Variants in ZBTB40 observed in about 807,000 individuals in gnomAD.
ZBTB40 encodes the protein zinc finger and BTB domain containing 40, also known as zinc finger and BTB domain-containing protein 40.
In ZBTB40, 60 loss-of-function variants were observed where a neutral mutation model predicts 117.5. The observed-to-expected ratio is 0.51, with a 90% CI of 0.41 to 0.63. The LOEUF (loss-of-function observed/expected upper bound fraction) is 0.63. Ranked by LOEUF, ZBTB40 falls within the 30% of genes least tolerant of loss-of-function variation. ZBTB40 has a pLI of 0.00. For missense variants in ZBTB40, 1,287 were observed against 1,498.5 expected, an observed-to-expected ratio of 0.86 and a Z score of 2.33; for synonymous variants, 525 against 577.1, an observed-to-expected ratio of 0.91 and a Z score of 1.29.
chr1:22,514,307 T>C (rs1403723917), intron 12 of ZBTB40, among the ~76,000 whole-genome samples: 3 of 152,228 alleles, frequency 2.0e-5, no homozygotes, highest in Admixed American at 6.5e-5. Flanking sequence ...TTTCTCTTGA[T>C]ACTTAAAAAA....
In ZBTB40 at chr1:22,489,887, C is replaced by A. The variant is rs1638573542; in HGVS notation, c.-62C>A. 1 of 1,543,794 alleles carries A rather than the reference C, an allele frequency of 6.5e-7. No homozygotes were observed. The highest frequency in any genetic ancestry group is 1.7e-5 in the Admixed American group (1 of 59,938). Reference sequence around the variant, plus strand: ...TTTTGTGGGTTTCTCTAGGGCCTGTCCTCCCAAAGCCAACTCTAAGGAGAG... The same window carrying A: ...TTTTGTGGGTTTCTCTAGGGCCTGTACTCCCAAAGCCAACTCTAAGGAGAG... On this transcript the variant is annotated 5_prime_UTR_variant, in exon 2 of 18. Transcript: ENST00000375647.
intron 1 of ZBTB40, among the ~76,000 whole-genome samples, chr1:22,444,327 G>A (rs1426618558): frequency 6.6e-6 from 1 of 152,148 alleles, no homozygotes; most frequent in Non-Finnish European, 1.5e-5. Flanking sequence ...GGCTGAGTCA[G>A]GAGAATCACT....
intron 1 of ZBTB40, among the ~76,000 whole-genome samples, chr1:22,487,294 T>C (rs115801411): frequency 0.028 from 4,287 of 152,320 alleles, 236 homozygotes; most frequent in African/African-American, 0.098. Flanking sequence ...GTAGAAATGG[T>C]GGAGTGGAAA....
chr1:22,467,097 T>C (rs1001237716), intron 1 of ZBTB40, among the ~76,000 whole-genome samples: 3 of 152,170 alleles, frequency 2.0e-5, no homozygotes, highest in African/African-American at 7.2e-5. Flanking sequence ...GCTGCGAATA[T>C]AGTGTACATA....
chr1:22,433,439 A>AAAAACAAAAAC (rs1557469766), intron 1 of ZBTB40, among the ~76,000 whole-genome samples: 18 of 83,722 alleles, frequency 2.1e-4, no homozygotes, highest in African/African-American at 9.9e-4. Flanking sequence ...TCTCAAAAAA[A>AAAAACAAAAAC]AAAAAAAAAA....
chr1:22,486,915 A>G (rs1340827355), intron 1 of ZBTB40, among the ~76,000 whole-genome samples: 2 of 151,994 alleles, frequency 1.3e-5, no homozygotes, highest in African/African-American at 2.4e-5. Context: ...GTGTAATTTT[A>G]GTAGAGACGA....
intron 12 of ZBTB40, among the ~76,000 whole-genome samples, chr1:22,514,328 C>G (rs1216698931): frequency 6.6e-6 from 1 of 152,196 alleles, no homozygotes; most frequent in African/African-American, 2.4e-5. Flanking sequence ...TAAATAAACC[C>G]TATCAGGTCA....
chr1:22,499,275 A>G (rs556762995), intron 3 of ZBTB40, among the ~76,000 whole-genome samples: 2 of 152,344 alleles, frequency 1.3e-5, no homozygotes, highest in East Asian at 3.9e-4. Flanking sequence ...TCACAGAGCA[A>G]GGGCAGAGAG....
chr1:22,469,444 TG>T (rs1317524573), intron 1 of ZBTB40, among the ~76,000 whole-genome samples: 4 of 152,218 alleles, frequency 2.6e-5, no homozygotes, highest in Non-Finnish European at 5.9e-5. Flanking sequence ...GCCAGCCTCC[TG>T]AGGAGCTGGG....
At chr1:22,431,301 G>GTATATATTGAATATATAC (rs1640581615) in intron 1 of ZBTB40, among the ~76,000 whole-genome samples, 1 of 81,366 alleles carries the variant, frequency 1.2e-5, no homozygotes, top group African/African-American at 1.3e-4. Flanking sequence ...TGAATATATT[G>GTATATATTGAATATATAC]AATATACAGT....
chr1:22,471,057 C>T (rs189117271), intron 1 of ZBTB40, among the ~76,000 whole-genome samples: 113 of 152,348 alleles, frequency 7.4e-4, no homozygotes, highest in East Asian at 3.9e-4. Flanking sequence ...CTAGATAGTG[C>T]TATCCAACCT....
chr1:22,521,762 G>C (rs1639534446), intron 15 of ZBTB40, 104 bp downstream of exon 15: 1 of 1,527,470 alleles, frequency 6.5e-7, no homozygotes, highest in Non-Finnish European at 9.1e-7. Context: ...GTGATGTGCA[G>C]TGGTCATTGC....
intron 5 of ZBTB40, among the ~76,000 whole-genome samples, chr1:22,505,562 T>G (rs1459410684): frequency 6.6e-6 from 1 of 152,230 alleles, no homozygotes; most frequent in African/African-American, 2.4e-5. Context: ...ACAAATTATC[T>G]GAGTATTCAG....
Position 22,527,103 on chromosome 1 carries a change from A to G in ZBTB40, c.*707A>G, listed in dbSNP as rs1421070037. ...CTGGAAGTGTTTAATGTGAGGCATCAGCTGCTAGACAGTGTCTGCCTTTCC... is the reference window on the plus strand; with the variant it reads ...CTGGAAGTGTTTAATGTGAGGCATCGGCTGCTAGACAGTGTCTGCCTTTCC... On this transcript the variant is annotated 3_prime_UTR_variant, in exon 18 of 18. Coordinates refer to ENST00000375647, the MANE Select transcript of ZBTB40 (RefSeq NM_014870.4). 6.5e-6 allele frequency: 1 copy of G among 154,308 alleles called. No homozygotes were observed. Among genetic ancestry groups the G allele is most frequent in the Non-Finnish European group, 1.4e-5 (1 of 69,356 alleles). 9.6% of individuals were successfully genotyped at this position (154,308 alleles called of 1,614,324 possible).
intron 1 of ZBTB40, among the ~76,000 whole-genome samples, chr1:22,477,572 C>A (rs1641581009): frequency 6.6e-6 from 1 of 151,786 alleles, no homozygotes; most frequent in South Asian, 2.1e-4. Context: ...TAGCTTGAAC[C>A]CGGGAAGCGG....
Position 22,513,032 on chromosome 1 carries a change from T to C in ZBTB40, c.2570T>C (p.Leu857Pro). The change falls in exon 12 of 18, where the codon CTT becomes CCT. Residue 857 changes from leucine (L) to proline (P), a missense_variant. Coordinates refer to ENST00000375647, the MANE Select transcript of ZBTB40 (RefSeq NM_014870.4). This position sits in a 1 kb window ranked among gnomAD's most constrained non-coding sequence, Gnocchi z 4.9. Reference sequence around the variant, plus strand: ...TCCACCCTGAAGAACCACCTTCGCCTTCACACCGGGGACCGCCCGTTCATG... The same window carrying C: ...TCCACCCTGAAGAACCACCTTCGCCCTCACACCGGGGACCGCCCGTTCATG... ...ANSTLKNHLRLHTGDRPFMCK... is the reference protein window; with the variant it reads ...ANSTLKNHLRPHTGDRPFMCK... The C allele has an allele frequency of 6.2e-7, 1 of 1,614,184 alleles. No homozygotes were observed. The highest frequency in any genetic ancestry group is 8.5e-7 in the Non-Finnish European group (1 of 1,180,022).
chr1:22,429,275 G>C (rs926926979), intron 1 of ZBTB40, among the ~76,000 whole-genome samples: 1 of 152,048 alleles, frequency 6.6e-6, no homozygotes, highest in Non-Finnish European at 1.5e-5. Context: ...CCAGCTACTC[G>C]GGAGGCTGAG....
intron 1 of ZBTB40, among the ~76,000 whole-genome samples, chr1:22,475,378 G>T (rs556455011): frequency 6.6e-6 from 1 of 152,202 alleles, no homozygotes; most frequent in Non-Finnish European, 1.5e-5. Context: ...TGTTTTTGGA[G>T]ATCTACCTCT....
intron 3 of ZBTB40, among the ~76,000 whole-genome samples, chr1:22,494,172 T>C (rs1638710796): frequency 6.6e-6 from 1 of 152,204 alleles, no homozygotes; most frequent in South Asian, 2.1e-4. Flanking sequence ...TTTCACTGAA[T>C]GTCTTATAAT....
Sources: gnomAD v4.1 joint callset for allele counts (sites outside exome capture counted in the v4.1 genomes callset) on GRCh38, gnomAD v4.1.1 for gene constraint, Gnocchi (gnomAD v3.1) non-coding constraint, MANE v1.5 for transcripts, NCBI Gene and HGNC (gene_info 2026-07-23, HGNC 2026-07-21) for gene names.